NKD1: variants seen among roughly 807,000 people sequenced by gnomAD.
NKD1 encodes NKD inhibitor of Wnt signaling pathway 1.
In NKD1, 21 loss-of-function variants were observed where a neutral mutation model predicts 56.0. The ratio of observed to expected loss-of-function variants is 0.38; its 90% CI spans 0.27 to 0.54. The LOEUF is 0.54. Ranked by LOEUF, NKD1 falls within the 20% of genes least tolerant of loss-of-function variation. NKD1 has a pLI of 0.82. For synonymous variants in NKD1, 263 were observed against 265.7 expected (o/e 0.99, Z 0.10); for missense variants, 578 against 642.7 (o/e 0.90, Z 1.09).
At chr16:50,551,281 A>C (rs1313098810) in intron 3 of NKD1, among the ~76,000 whole-genome samples, 1 of 152,172 alleles carries the variant, frequency 6.6e-6, no homozygotes, top group East Asian at 1.9e-4. Context: ...GCTTTGGTGA[A>C]GTCACGGAAT....
At position 50,645,302 on chromosome 16, in the gene NKD1, T is replaced by C. The variant is rs1313281019; in HGVS notation, c.*11521T>C. 6 of 151,822 alleles carry C rather than the reference T, an allele frequency of 4.0e-5. No homozygotes were observed. Among genetic ancestry groups the C allele is most frequent in the Non-Finnish European group, 8.8e-5 (6 of 67,996 alleles). The allele number at this position is 151,822 out of a possible 1,614,324, so 9.4% of individuals were successfully genotyped here. A position where few individuals can be genotyped will look rare whatever the true frequency, so the allele number is the denominator to read the frequency against. ...ATGGGAGGGAATAACAGAGGGGACA[T>C]GATGGAGATGGGGGACTGCAGAGGG... is the stretch of plus-strand genomic sequence containing the variant. On this transcript the variant is annotated 3_prime_UTR_variant, in exon 10 of 10. Coordinates refer to ENST00000268459, the MANE Select transcript of NKD1 (RefSeq NM_033119.5).
chr16:50,617,139 G>T (rs1021836923), intron 4 of NKD1, among the ~76,000 whole-genome samples: 2 of 152,204 alleles, frequency 1.3e-5, no homozygotes, highest in Admixed American at 6.5e-5. Context: ...AAACAGTCCC[G>T]AGTGACTGTG....
intron 3 of NKD1, among the ~76,000 whole-genome samples, chr16:50,554,517 T>C: frequency 6.6e-6 from 1 of 152,230 alleles, no homozygotes; most frequent in Admixed American, 6.5e-5. Context: ...AATTCCTGCT[T>C]CCAAATTCCA....
At position 50,648,378 on chromosome 16, in the gene NKD1, A is replaced by G. The variant is rs1340068394; in HGVS notation, c.*14597A>G. On this transcript the variant is annotated 3_prime_UTR_variant, in exon 10 of 10. Coordinates refer to ENST00000268459, the MANE Select transcript of NKD1 (RefSeq NM_033119.5). The stretch of plus-strand genomic sequence containing the variant: ...ACACCTCTGTCTTTCTGCCCCATCC[A>G]CTAGACAAAAGCTGACTCTGGAAAA... The G allele has an allele frequency of 1.3e-5, 2 of 152,690 alleles. No homozygotes were observed. Among genetic ancestry groups the G allele is most frequent in the South Asian group, 4.1e-4 (2 of 4,820 alleles). 9.5% of individuals were successfully genotyped at this position (152,690 alleles called of 1,614,324 possible).
At chr16:50,611,835 G>A (rs1331263759) in intron 4 of NKD1, among the ~76,000 whole-genome samples, 1 of 152,158 alleles carries the variant, frequency 6.6e-6, no homozygotes, top group African/African-American at 2.4e-5. Context: ...CTTTGCCAGG[G>A]TTATTGTGAA....
At chr16:50,595,566 GC>G (rs1961455045) in intron 3 of NKD1, among the ~76,000 whole-genome samples, 1 of 152,100 alleles carries the variant, frequency 6.6e-6, no homozygotes, top group Admixed American at 6.5e-5. Flanking sequence ...TCTCGGGAGT[GC>G]TCCGTTTCTC....
In NKD1 at chr16:50,639,959, G is replaced by A. The variant is rs891604551; in HGVS notation, c.*6178G>A. 3.3e-5 allele frequency: 5 copies of A among 152,280 alleles called. No homozygotes were observed. Among genetic ancestry groups the A allele is most frequent in the African/African-American group, 7.2e-5 (3 of 41,550 alleles). 9.4% of individuals were successfully genotyped at this position (152,280 alleles called of 1,614,324 possible). A position where few individuals can be genotyped will look rare whatever the true frequency, so the allele number is the denominator to read the frequency against. Reference sequence around the variant, plus strand: ...AGCTTTGGGGACTAGGGCTTGTTGCGACTACCAGCTGTCTCATTTTGCTGT... The same window carrying A: ...AGCTTTGGGGACTAGGGCTTGTTGCAACTACCAGCTGTCTCATTTTGCTGT... On this transcript the variant is annotated 3_prime_UTR_variant, in exon 10 of 10. Coordinates refer to ENST00000268459, the MANE Select transcript of NKD1 (RefSeq NM_033119.5).
chr16:50,629,360 G>A (rs574920370), intron 6 of NKD1, among the ~76,000 whole-genome samples: 2 of 152,286 alleles, frequency 1.3e-5, no homozygotes, highest in East Asian at 3.9e-4. Context: ...TCACATTGGG[G>A]GTTAGGGCTT....
In NKD1 at chr16:50,591,791, G is replaced by T. The variant is rs374589456; in HGVS notation, c.193-16503G>T. On this transcript the variant is annotated intron_variant, in intron 3 of 9. Transcript: ENST00000268459. Reference sequence around the variant, plus strand: ...GGCCCTGTGAAAATAAAATGAGCGTGCGCCACCTGGGCTGGGGTGCGAGCC... The same window carrying T: ...GGCCCTGTGAAAATAAAATGAGCGTTCGCCACCTGGGCTGGGGTGCGAGCC... Among the ~76,000 whole-genome samples, 35 of 152,370 alleles carry T rather than the reference G, an allele frequency of 2.3e-4. 2 individuals are homozygous for T. Among genetic ancestry groups the T allele is most frequent in the African/African-American group, 8.4e-4 (35 of 41,592 alleles).
intron 3 of NKD1, among the ~76,000 whole-genome samples, chr16:50,581,481 C>T (rs1961114407): frequency 6.6e-6 from 1 of 152,240 alleles, no homozygotes; most frequent in African/African-American, 2.4e-5. Context: ...CTTGCATTCA[C>T]TCAGCATGTC....
intron 3 of NKD1, among the ~76,000 whole-genome samples, chr16:50,563,035 A>C (rs954869927): frequency 5.7e-5 from 7 of 123,454 alleles, no homozygotes; most frequent in African/African-American, 2.1e-4. Flanking sequence ...TGTAGAAGTG[A>C]CCTCTAGACT....
At chr16:50,573,748 G>C (rs1341538935) in intron 3 of NKD1, 18 of 909,330 alleles carry the variant, frequency 2.0e-5, no homozygotes, top group Non-Finnish European at 2.2e-5. Context: ...AGAATAGCTT[G>C]GGGAAAATTG....
At chr16:50,550,147 C>T (rs1313211816) in intron 3 of NKD1, among the ~76,000 whole-genome samples, 2 of 151,760 alleles carry the variant, frequency 1.3e-5, no homozygotes, top group Non-Finnish European at 2.9e-5. Context: ...TGAGCCTTCA[C>T]CCCGTGTGTC....
intron 3 of NKD1, among the ~76,000 whole-genome samples, chr16:50,593,803 A>G (rs1961419296): frequency 6.6e-6 from 1 of 152,224 alleles, no homozygotes; most frequent in Admixed American, 6.5e-5. Flanking sequence ...CATGGGACAT[A>G]CTTATGCTAC....
At chr16:50,553,710 G>A (rs994458260) in intron 3 of NKD1, 2 of 152,288 alleles carry the variant, frequency 1.3e-5, no homozygotes, top group African/African-American at 4.8e-5. Context: ...ATTTGAGGTA[G>A]AGCATAAATT....
At chr16:50,615,418 A>G (rs1179663417) in intron 4 of NKD1, among the ~76,000 whole-genome samples, 2 of 152,204 alleles carry the variant, frequency 1.3e-5, no homozygotes, top group African/African-American at 4.8e-5. Context: ...TGATGGTGTA[A>G]TAAGGCTCAC....
intron 3 of NKD1, among the ~76,000 whole-genome samples, chr16:50,578,629 G>A (rs1224853203): frequency 6.6e-6 from 1 of 152,178 alleles, no homozygotes; most frequent in Non-Finnish European, 1.5e-5. Flanking sequence ...CCCACACTGT[G>A]TACATTTCTC....
rs1334512288 is a variant in NKD1 at position 50,550,735 on chromosome 16, AC to A, written c.192+1182del. Reference sequence around the variant, plus strand: ...GGGCCCTTTAAAAAGAGAACTACAAACCTCTCCTTCTTCCCCTGCCCTTTCT... The same window carrying A: ...GGGCCCTTTAAAAAGAGAACTACAAACTCTCCTTCTTCCCCTGCCCTTTCT... On this transcript the variant is annotated intron_variant, in intron 3 of 9. Coordinates refer to ENST00000268459, the MANE Select transcript of NKD1 (RefSeq NM_033119.5). Among the ~76,000 whole-genome samples the A allele has an allele frequency of 2.7e-5, 4 of 148,838 alleles. No individual in the cohort carries two copies. The East Asian group carries it at 7.9e-4, about 29-fold the overall frequency.
intron 3 of NKD1, among the ~76,000 whole-genome samples, chr16:50,551,314 C>T (rs951076696): frequency 2.0e-5 from 3 of 152,194 alleles, no homozygotes; most frequent in Non-Finnish European, 2.9e-5. Context: ...TTTCTTCCCC[C>T]AGCTGAGGAC....
Sources: allele counts gnomAD v4.1 joint callset (sites outside exome capture counted in the v4.1 genomes callset), GRCh38; gene constraint gnomAD v4.1.1; transcripts MANE v1.5; gene names NCBI Gene and HGNC (gene_info 2026-07-23, HGNC 2026-07-21).